Variants in PECR observed in about 807,000 individuals in gnomAD.
PECR encodes peroxisomal trans-2-enoyl-CoA reductase, also known as 2,4-dienoyl-CoA reductase-related protein.
A neutral mutation model predicts 35.3 loss-of-function variants in PECR; 30 were observed. That is an observed-to-expected ratio of 0.85 (90% CI 0.64 to 1.15). The LOEUF (loss-of-function observed/expected upper bound fraction) is 1.15. Among genes scored for constraint, PECR ranks in the 50% most tolerant of loss-of-function variants. The pLI, the probability that PECR is intolerant of heterozygous loss-of-function variation, is 0.00. For missense variants in PECR, 392 were observed against 370.8 expected (o/e 1.06, Z -0.47); for synonymous variants, 148 against 138.9 (o/e 1.07, Z -0.46).
At chr2:216,077,004 G>A (rs1173925097) in intron 1 of PECR, among the ~76,000 whole-genome samples, 3 of 147,164 alleles carry the variant, frequency 2.0e-5, no homozygotes, top group Non-Finnish European at 4.5e-5. Context: ...CGGGTTCAGC[G>A]ATTCTCCTGC....
At chr2:216,061,973 T>TGTGC (rs1038240595) in intron 3 of PECR, among the ~76,000 whole-genome samples, 12 of 151,550 alleles carry the variant, frequency 7.9e-5, no homozygotes, top group Non-Finnish European at 1.5e-4. Flanking sequence ...TGTGAGTATG[T>TGTGC]GTGTGTGTGT....
Position 216,051,531 on chromosome 2 carries a change from G to A in PECR, c.521C>T (p.Ala174Val). 6.2e-7 allele frequency: 1 copy of A among 1,608,260 alleles called. No homozygotes were observed. Among genetic ancestry groups the A allele is most frequent in the Non-Finnish European group, 8.5e-7 (1 of 1,174,634 alleles). The change falls in exon 5 of 8, where the codon GCA becomes GTA. Residue 174 changes from alanine to valine, a missense_variant. Ala to Val is a moderately conservative substitution (Grantham distance 64). Transcript: ENST00000265322. ...GGTGAGGTTGTAAACACCTGCTCTT[G>A]CAGCTCCAGAATGCCTTTGAAAGAC... is the stretch of plus-strand genomic sequence containing the variant. ...GFPLAVHSGA[A>V]RAGVYNLTKS... is the part of the protein sequence containing the mutation.
intron 1 of PECR, among the ~76,000 whole-genome samples, chr2:216,075,027 A>G (rs1175909075): frequency 6.6e-6 from 1 of 152,200 alleles, no homozygotes; most frequent in African/African-American, 2.4e-5. Context: ...CATGCTTGTA[A>G]TCCCAGCAAT....
chr2:216,040,353 C>T (rs1021520167), intron 7 of PECR, among the ~76,000 whole-genome samples: 9 of 152,168 alleles, frequency 5.9e-5, no homozygotes, highest in Non-Finnish European at 1.3e-4. Flanking sequence ...ACCTCGACTT[C>T]CCGGGCTCCA....
At chr2:216,050,721 T>G (rs1695097241) in intron 5 of PECR, 1 of 152,088 alleles carries the variant, frequency 6.6e-6, no homozygotes, top group Admixed American at 6.6e-5. Context: ...GCTAACACAG[T>G]GAAACCCCGT....
intron 2 of PECR, 116 bp from the exon 3 acceptor site, chr2:216,065,593 C>A: frequency 1.4e-6 from 1 of 713,594 alleles, no homozygotes; most frequent in Admixed American, 2.0e-5. Context: ...ACAGTCACTC[C>A]AAGTGCCACA....
At chr2:216,033,398 T>C (rs1176503578), downstream of PECR, among the ~76,000 whole-genome samples, 1 of 152,020 alleles carries the variant, frequency 6.6e-6, no homozygotes, top group African/African-American at 2.4e-5. Flanking sequence ...GAGTAAGTGG[T>C]AGAAGCTGGG....
At chr2:216,041,177 A>G (rs1694880213) in intron 7 of PECR, among the ~76,000 whole-genome samples, 1 of 152,190 alleles carries the variant, frequency 6.6e-6, no homozygotes, top group African/African-American at 2.4e-5. Context: ...AATATTTTTA[A>G]TGATAAAAAG....
At chr2:216,059,967 G>C (rs577394228) in intron 3 of PECR, among the ~76,000 whole-genome samples, 1 of 152,306 alleles carries the variant, frequency 6.6e-6, no homozygotes, top group African/African-American at 2.4e-5. Flanking sequence ...TGAATCTACA[G>C]ATCAATTTGG....
chr2:216,044,070 A>T, intron 6 of PECR, 55 bp from the exon 7 acceptor site: 1 of 880,660 alleles, frequency 1.1e-6, no homozygotes, highest in East Asian at 2.4e-5. Flanking sequence ...CCCATTTCTA[A>T]CCGCCTCACA....
At chr2:216,058,774 A>G (rs1251735499) in intron 4 of PECR, 121 bp downstream of exon 4, 5 of 665,954 alleles carry the variant, frequency 7.5e-6, no homozygotes, top group Non-Finnish European at 1.4e-5. Context: ...GTTAACTGTT[A>G]GAATCACAGC....
chr2:216,040,246 G>A (rs1189141527), intron 7 of PECR, among the ~76,000 whole-genome samples: 1 of 152,044 alleles, frequency 6.6e-6, no homozygotes. Context: ...CATCCAATTC[G>A]ACAAATGACT....
At chr2:216,047,855 T>G (rs909794824) in intron 6 of PECR, among the ~76,000 whole-genome samples, 14 of 152,172 alleles carry the variant, frequency 9.2e-5, no homozygotes, top group Admixed American at 6.5e-4. Flanking sequence ...GTTCTCCCCA[T>G]CAAGGAATAT....
chr2:216,034,651 G>T (rs1374739478), downstream of PECR, among the ~76,000 whole-genome samples: 6 of 152,104 alleles, frequency 3.9e-5, no homozygotes, highest in Admixed American at 6.6e-5. Context: ...AGTGCAACTG[G>T]TATCTACAAT....
intron 1 of PECR, 86 bp downstream of exon 1, chr2:216,081,532 G>A: frequency 1.3e-6 from 2 of 1,548,752 alleles, no homozygotes; most frequent in Non-Finnish European, 1.8e-6. Context: ...CACTCCCTCA[G>A]CCCCGCCGAG....
At chr2:216,043,102 CGT>C (rs1559207947) in intron 7 of PECR, among the ~76,000 whole-genome samples, 1 of 117,202 alleles carries the variant, frequency 8.5e-6, no homozygotes, top group East Asian at 2.1e-4. Context: ...TATATGTATG[CGT>C]ATATATATAT....
At chr2:216,053,878 A>AT (rs1238197995) in intron 4 of PECR, among the ~76,000 whole-genome samples, 9 of 152,138 alleles carry the variant, frequency 5.9e-5, no homozygotes, top group Non-Finnish European at 1.0e-4. Flanking sequence ...AAAAATATAT[A>AT]TTTTTTTAAT....
downstream of PECR, among the ~76,000 whole-genome samples, chr2:216,035,316 C>T (rs752387160): frequency 7.2e-5 from 11 of 152,088 alleles, 1 homozygote; most frequent in Non-Finnish European, 1.6e-4. Flanking sequence ...GCATCAGAGG[C>T]CTCTGGTAGG....
In PECR at chr2:216,049,293, G is replaced by A. The variant is rs1298860476; in HGVS notation, c.684C>T (p.Ile228=). The A allele has an allele frequency of 6.9e-6, 11 of 1,590,950 alleles. No homozygotes were observed. The highest frequency in any genetic ancestry group is 1.3e-5 in the African/African-American group (1 of 74,432). ...CAGGAACACCAATTCGTTTAGCGGG[G>A]ATTTTCTGAAAAGACCCTTCAAAGA... The part of the protein sequence containing the change: ...QSFFEGSFQK[I]PAKRIGVPEE... Residue 228 remains isoleucine, a synonymous_variant, in exon 6 of 8, where the codon ATC becomes ATT. Coordinates refer to ENST00000265322, the MANE Select transcript of PECR (RefSeq NM_018441.6).
Sources: allele counts gnomAD v4.1 joint callset (sites outside exome capture counted in the v4.1 genomes callset), GRCh38; gene constraint gnomAD v4.1.1; transcripts MANE v1.5; gene names NCBI Gene and HGNC (gene_info 2026-07-23, HGNC 2026-07-21).